Variants in MBIP observed in about 807,000 individuals in gnomAD.
MBIP encodes the protein MAP3K12-binding inhibitory protein 1.
In MBIP, 32 loss-of-function variants were observed where a neutral mutation model predicts 45.7. The observed-to-expected ratio is 0.70, with a 90% CI of 0.53 to 0.94. MBIP has a LOEUF of 0.94. Ranked by LOEUF, MBIP falls within the 40% of genes least tolerant of loss-of-function variation. MBIP has a pLI of 0.00. For synonymous variants in MBIP, 145 were observed against 141.0 expected (o/e 1.03, Z -0.20); for missense variants, 381 against 405.5 (o/e 0.94, Z 0.52).
chr14:36,307,281 A>G (rs1314533536), intron 7 of MBIP, among the ~76,000 whole-genome samples: 1 of 152,196 alleles, frequency 6.6e-6, no homozygotes, highest in East Asian at 1.9e-4. Context: ...TAAATTTTAA[A>G]TATATTTTCA....
At chr14:36,317,719 CAT>C (rs1479913938) in intron 1 of MBIP, among the ~76,000 whole-genome samples, 1 of 152,014 alleles carries the variant, frequency 6.6e-6, no homozygotes, top group Non-Finnish European at 1.5e-5. Flanking sequence ...TTTCTAGGGA[CAT>C]GTGTTTACAG....
chr14:36,312,067 C>T (rs1398084392), intron 4 of MBIP, 43 bp from the exon 5 acceptor site: 1 of 1,090,470 alleles, frequency 9.2e-7, no homozygotes. Flanking sequence ...TATATTCTTC[C>T]CTTCAAATGT....
At chr14:36,307,775 T>C (rs1165455367) in intron 7 of MBIP, among the ~76,000 whole-genome samples, 1 of 152,070 alleles carries the variant, frequency 6.6e-6, no homozygotes, top group East Asian at 1.9e-4. Flanking sequence ...AAGCCTCTGT[T>C]TTACAAGGTA....
intron 1 of MBIP, among the ~76,000 whole-genome samples, chr14:36,318,013 T>G (rs948403813): frequency 6.6e-6 from 1 of 152,034 alleles, no homozygotes; most frequent in Non-Finnish European, 1.5e-5. Flanking sequence ...TATAAAGAGA[T>G]ATGAAATTTC....
At chr14:36,311,792 A>T in intron 5 of MBIP, 67 bp from the exon 6 acceptor site, 1 of 1,371,270 alleles carries the variant, frequency 7.3e-7, no homozygotes, top group Non-Finnish European at 1.0e-6. Context: ...TTATTCCTTA[A>T]CAGCACTTTA....
intron 7 of MBIP, among the ~76,000 whole-genome samples, chr14:36,301,250 C>G (rs1879530286): frequency 6.6e-6 from 1 of 152,108 alleles, no homozygotes; most frequent in South Asian, 2.1e-4. Context: ...GGTGAAAACA[C>G]ACATACACAC....
Position 36,311,731 on chromosome 14 carries a change from T to C in MBIP, c.638-6A>G. The C allele has an allele frequency of 6.3e-7, 1 of 1,585,302 alleles. No individual in the cohort carries two copies. Among genetic ancestry groups the C allele is most frequent in the East Asian group, 2.2e-5 (1 of 44,518 alleles). ...TGTATTCACAACTCTAGAAACTAAA[T>C]TAAGAAACTTTTGAGCCTATATACA... On this transcript the variant is annotated splice_polypyrimidine_tract_variant and splice_region_variant and intron_variant, in intron 5 of 8. Coordinates refer to ENST00000416007, the MANE Select transcript of MBIP (RefSeq NM_016586.3).
intron 1 of MBIP, 59 bp downstream of exon 1, chr14:36,320,401 G>A: frequency 6.2e-7 from 1 of 1,610,786 alleles, no homozygotes; most frequent in South Asian, 1.1e-5. Flanking sequence ...TAGAGAAAAA[G>A]AATGGCGAGG....
In MBIP at chr14:36,314,735, G is replaced by A; in HGVS notation, c.430C>T (p.His144Tyr). 2 of 1,613,564 alleles carry A rather than the reference G, an allele frequency of 1.2e-6. No individual in the cohort carries two copies. The highest frequency in any genetic ancestry group is 1.7e-6 in the Non-Finnish European group (2 of 1,179,722). ...DLRDVKKTQIHFDPEVVQIKA... is the reference protein window; with the variant it reads ...DLRDVKKTQIYFDPEVVQIKA... ...ATCTGAACTACTTCTGGATCAAAAT[G>A]GATCTGTGTCTTTTTCACATCTCTT... The change falls in exon 3 of 9, where the codon CAT becomes TAT. Residue 144 changes from histidine (H) to tyrosine (Y), a missense_variant. Coordinates refer to ENST00000416007, the MANE Select transcript of MBIP (RefSeq NM_016586.3).
chr14:36,300,842 G>T lies in MBIP; in HGVS notation c.889-19C>A. On this transcript the variant is annotated intron_variant, in intron 7 of 8. Coordinates refer to ENST00000416007, the MANE Select transcript of MBIP (RefSeq NM_016586.3). ...AAAAGCTCTAGATTAAAAAAAAAAAGGTAATGTTTAGAAAAATCTAAGCAT... is the reference window on the plus strand; with the variant it reads ...AAAAGCTCTAGATTAAAAAAAAAAATGTAATGTTTAGAAAAATCTAAGCAT... The T allele has an allele frequency of 1.5e-6, 2 of 1,362,400 alleles. No individual in the cohort carries two copies. Among genetic ancestry groups the T allele is most frequent in the Non-Finnish European group, 2.0e-6 (2 of 987,048 alleles). 84.4% of individuals were successfully genotyped at this position (1,362,400 alleles called of 1,614,324 possible).
At chr14:36,307,777 T>C (rs1879969225) in intron 7 of MBIP, among the ~76,000 whole-genome samples, 1 of 152,176 alleles carries the variant, frequency 6.6e-6, no homozygotes, top group Admixed American at 6.5e-5. Flanking sequence ...GCCTCTGTTT[T>C]ACAAGGTAGC....
chr14:36,320,306 G>A (rs1880815775), intron 1 of MBIP, 154 bp downstream of exon 1: 1 of 1,003,814 alleles, frequency 1.0e-6, no homozygotes, highest in Non-Finnish European at 1.5e-6. Context: ...CTCCGACCGA[G>A]GAGGCTGGGC....
intron 1 of MBIP, chr14:36,319,514 C>T (rs1487625610): frequency 2.6e-6 from 1 of 386,480 alleles, no homozygotes; most frequent in Non-Finnish European, 5.1e-6. Flanking sequence ...AAGACTGATT[C>T]TCCATCTACT....
At chr14:36,314,650 T>A (rs778963559) in intron 3 of MBIP, 41 bp downstream of exon 3, 48 of 1,606,392 alleles carry the variant, frequency 3.0e-5, no homozygotes, top group East Asian at 4.5e-5. Context: ...TAAGATTTTT[T>A]AAAATAATAC....
chr14:36,318,011 GAT>G (rs2139239321), intron 1 of MBIP, among the ~76,000 whole-genome samples: 1 of 152,126 alleles, frequency 6.6e-6, no homozygotes, highest in African/African-American at 2.4e-5. Context: ...AGTATAAAGA[GAT>G]ATGAAATTTC....
intron 8 of MBIP, among the ~76,000 whole-genome samples, chr14:36,300,440 T>G (rs1378293602): frequency 6.6e-6 from 1 of 152,164 alleles, no homozygotes; most frequent in African/African-American, 2.4e-5. Flanking sequence ...CCAAACACCC[T>G]TTTTGATCTA....
At chr14:36,302,539 C>T (rs372709968) in intron 7 of MBIP, among the ~76,000 whole-genome samples, 3 of 147,052 alleles carry the variant, frequency 2.0e-5, no homozygotes, top group East Asian at 2.0e-4. Flanking sequence ...TTCTCCTAAT[C>T]GTTTAACCTG....
chr14:36,311,511 A>C, intron 6 of MBIP, 62 bp downstream of exon 6: 1 of 1,496,582 alleles, frequency 6.7e-7, no homozygotes, highest in Non-Finnish European at 9.1e-7. Flanking sequence ...GACTAAATGA[A>C]CTGCAATTTT....
chr14:36,312,208 T>G (rs1471637222), intron 4 of MBIP, among the ~76,000 whole-genome samples, 184 bp from the exon 5 acceptor site: 2 of 152,066 alleles, frequency 1.3e-5, no homozygotes, highest in African/African-American at 2.4e-5. Context: ...CTGTCAAAAT[T>G]TATCATAATA....
Sources: gnomAD v4.1 joint callset for allele counts (sites outside exome capture counted in the v4.1 genomes callset) on GRCh38, gnomAD v4.1.1 for gene constraint, MANE v1.5 for transcripts, NCBI Gene and HGNC (gene_info 2026-07-23, HGNC 2026-07-21) for gene names.